ZNF827: variants seen among roughly 807,000 people sequenced by gnomAD.
ZNF827 encodes the protein zinc finger protein 827.
In ZNF827, 13 loss-of-function variants were observed where a neutral mutation model predicts 102.4. That is an observed-to-expected ratio of 0.13 (90% CI 0.08 to 0.20). The LOEUF (loss-of-function observed/expected upper bound fraction) is 0.20. Ranked by LOEUF, ZNF827 falls within the 10% of genes least tolerant of loss-of-function variation. The pLI is 1.00. For missense variants in ZNF827, 1,103 were observed against 1,344.4 expected, an observed-to-expected ratio of 0.82 and a Z score of 2.81; for synonymous variants, 523 against 536.2, an observed-to-expected ratio of 0.98 and a Z score of 0.34.
In ZNF827 at chr4:145,780,856, G is replaced by C. The variant is rs540088478; in HGVS notation, c.2384-1345C>G. 3.9e-5 allele frequency among the ~76,000 whole-genome samples: 6 copies of C among 152,300 alleles called. No individual in the cohort carries two copies. The South Asian group carries it at 1.2e-3, about 32-fold the overall frequency. On this transcript the variant is annotated intron_variant, in intron 8 of 14. Transcript: ENST00000508784. Reference sequence around the variant, plus strand: ...ACTGCATTATAGAACTGGACACCATGTGGTGATAATTGAATGGTGGTAAGA... The same window carrying C: ...ACTGCATTATAGAACTGGACACCATCTGGTGATAATTGAATGGTGGTAAGA...
At chr4:145,892,579 T>C (rs921494935) in intron 2 of ZNF827, among the ~76,000 whole-genome samples, 164 bp from the exon 3 acceptor site, 1 of 152,254 alleles carries the variant, frequency 6.6e-6, no homozygotes, top group Non-Finnish European at 1.5e-5. Flanking sequence ...GTACTGCTTT[T>C]CTTCAGGTAG....
At chr4:145,912,606 G>A (rs1752370355) in intron 1 of ZNF827, among the ~76,000 whole-genome samples, 2 of 152,320 alleles carry the variant, frequency 1.3e-5, no homozygotes, top group South Asian at 4.2e-4. Flanking sequence ...CATTGGGGTG[G>A]ACTCAAATCC....
At chr4:145,853,561 T>C (rs958537180) in intron 5 of ZNF827, among the ~76,000 whole-genome samples, 2 of 151,028 alleles carry the variant, frequency 1.3e-5, no homozygotes, top group African/African-American at 4.9e-5. Flanking sequence ...GCCTGGGCAA[T>C]AGAAGGAGAC....
chr4:145,805,377 A>G (rs576016209), intron 8 of ZNF827, among the ~76,000 whole-genome samples: 2 of 152,180 alleles, frequency 1.3e-5, no homozygotes, highest in South Asian at 4.1e-4. Flanking sequence ...TTAGGAAAAA[A>G]AAATCCCCAA....
chr4:145,913,886 C>G (rs1405346532), intron 1 of ZNF827, among the ~76,000 whole-genome samples: 4 of 152,108 alleles, frequency 2.6e-5, no homozygotes, highest in Non-Finnish European at 5.9e-5. Flanking sequence ...TACCAAACTA[C>G]TGAAATCACC....
At chr4:145,778,244 C>T (rs531259349) in intron 9 of ZNF827, among the ~76,000 whole-genome samples, 1 of 152,224 alleles carries the variant, frequency 6.6e-6, no homozygotes, top group Non-Finnish European at 1.5e-5. Flanking sequence ...AGCAATTCTC[C>T]TGCCTCAGCC....
At chr4:145,800,891 A>G (rs955974366) in intron 8 of ZNF827, among the ~76,000 whole-genome samples, 3 of 152,206 alleles carry the variant, frequency 2.0e-5, no homozygotes, top group Non-Finnish European at 4.4e-5. Flanking sequence ...AGATTTTGAG[A>G]AAGCAGAGAC....
intron 4 of ZNF827, among the ~76,000 whole-genome samples, chr4:145,871,994 A>G (rs1402535027): frequency 6.6e-6 from 1 of 152,186 alleles, no homozygotes; most frequent in African/African-American, 2.4e-5. Context: ...ACTTGAAAAT[A>G]CTTGACCTTC....
chr4:145,923,959 T>C (rs1334424833), intron 1 of ZNF827, among the ~76,000 whole-genome samples: 2 of 152,224 alleles, frequency 1.3e-5, no homozygotes, highest in African/African-American at 2.4e-5. Flanking sequence ...TAAACTGATA[T>C]GTACATGCAT....
At chr4:145,827,409 A>T (rs1296215010) in intron 7 of ZNF827, among the ~76,000 whole-genome samples, 2 of 152,184 alleles carry the variant, frequency 1.3e-5, no homozygotes, top group African/African-American at 4.8e-5. Context: ...AGTAAAAATA[A>T]TTTTTGTCTT....
chr4:145,840,973 G>A (rs987295806), intron 7 of ZNF827, among the ~76,000 whole-genome samples: 3 of 152,196 alleles, frequency 2.0e-5, no homozygotes, highest in African/African-American at 4.8e-5. Flanking sequence ...CACGATATGA[G>A]TCTATCTTTC....
rs149612560 is a variant in ZNF827 at position 145,774,557 on chromosome 4, C to T, written c.2809G>A (p.Val937Ile). Residue 937 changes from valine to isoleucine, a missense_variant, in exon 11 of 15, where the codon GTC becomes ATC. Val to Ile is a conservative substitution (Grantham distance 29). Around this residue, in one of 5 missense-constraint regions of ZNF827, gnomAD observed 242 missense variants for 361.9 expected, o/e 0.67. Coordinates refer to ENST00000508784, the MANE Select transcript of ZNF827 (RefSeq NM_001306215.2). ...TTTATCTCTGCTTCCTCCATGGTGA[C>T]GAAGTCGCAGGCAGTGCAGCAGATC... ...FSICCTACDF[V>I]TMEEAEIKTH... 133 of 1,612,628 alleles carry T rather than the reference C, an allele frequency of 8.2e-5. No individual in the cohort carries two copies. Among genetic ancestry groups the T allele is most frequent in the Middle Eastern group, 5.0e-4 (3 of 6,060 alleles).
At chr4:145,917,713 A>AAAAAAAG (rs1752761576) in intron 1 of ZNF827, among the ~76,000 whole-genome samples, 1 of 147,028 alleles carries the variant, frequency 6.8e-6, no homozygotes, top group East Asian at 1.9e-4. Context: ...AAAAAAAAAA[A>AAAAAAAG]AAAAAAAAAA....
intron 1 of ZNF827, among the ~76,000 whole-genome samples, chr4:145,912,836 T>C (rs1391133457): frequency 1.3e-5 from 2 of 152,210 alleles, no homozygotes; most frequent in Non-Finnish European, 2.9e-5. Context: ...TGTGAGACAA[T>C]AAATTTCTGT....
chr4:145,884,394 C>T (rs1257092611), intron 4 of ZNF827, among the ~76,000 whole-genome samples: 2 of 152,100 alleles, frequency 1.3e-5, no homozygotes, highest in African/African-American at 4.8e-5. Context: ...TAGTGAAATG[C>T]GACTCACATT....
intron 2 of ZNF827, among the ~76,000 whole-genome samples, chr4:145,899,335 T>C (rs900653427): frequency 6.6e-6 from 1 of 151,714 alleles, no homozygotes; most frequent in Non-Finnish European, 1.5e-5. Flanking sequence ...GAAAAGGGAG[T>C]TGGGGAGGGT....
intron 2 of ZNF827, among the ~76,000 whole-genome samples, chr4:145,898,653 G>A (rs1293354574): frequency 6.6e-6 from 1 of 151,980 alleles, no homozygotes; most frequent in Admixed American, 6.6e-5. Context: ...GGGGGCGCAG[G>A]GTCACATGAA....
At chr4:145,806,159 T>G (rs1741416486) in intron 8 of ZNF827, among the ~76,000 whole-genome samples, 1 of 149,676 alleles carries the variant, frequency 6.7e-6, no homozygotes. Flanking sequence ...TTTTTTTTTT[T>G]TTTTTTTTTT....
Position 145,765,167 on chromosome 4 carries a change from T to C in ZNF827, c.3053-2A>G. 6.2e-7 allele frequency: 1 copy of C among 1,601,114 alleles called. No homozygotes were observed. Among genetic ancestry groups the C allele is most frequent in the Non-Finnish European group, 8.5e-7 (1 of 1,173,384 alleles). ...AGTTGCAAAAAACACATTCGAACCC[T>C]GCAAGGACCGAAGCTGGGTATAGAG... On this transcript the variant is annotated splice_acceptor_variant, in intron 12 of 14. Transcript: ENST00000508784. LOFTEE classifies it high-confidence loss of function. The surrounding 1 kb of genome is among the most constrained non-coding windows in gnomAD (Gnocchi z 4.7).
Sources: gnomAD v4.1 joint callset for allele counts (sites outside exome capture counted in the v4.1 genomes callset) on GRCh38, gnomAD v4.1.1 for gene constraint, gnomAD v4.1.1 regional missense constraint, Gnocchi (gnomAD v3.1) non-coding constraint, MANE v1.5 for transcripts, NCBI Gene and HGNC (gene_info 2026-07-23, HGNC 2026-07-21) for gene names.